The following PTPRD variants were observed in gnomAD, a reference collection of about 807,000 sequenced individuals.
PTPRD encodes the protein receptor-type tyrosine-protein phosphatase delta.
In PTPRD, 34 loss-of-function variants were observed where a neutral mutation model predicts 214.5. That is an observed-to-expected ratio of 0.16 (90% CI 0.12 to 0.21). The LOEUF (loss-of-function observed/expected upper bound fraction) is 0.21, where lower values mean the gene tolerates loss of function less well. Ranked by LOEUF, PTPRD falls within the 10% of genes least tolerant of loss-of-function variation. PTPRD has a pLI of 1.00. For missense variants in PTPRD, 2,545 were observed against 2,398.7 expected, an observed-to-expected ratio of 1.06 and a Z score of -1.27; for synonymous variants, 1,128 against 845.7, an observed-to-expected ratio of 1.33 and a Z score of -5.79.
At chr9:10,130,179 T>C (rs954035287) in intron 3 of PTPRD, among the ~76,000 whole-genome samples, 4 of 151,904 alleles carry the variant, frequency 2.6e-5, no homozygotes, top group African/African-American at 9.7e-5. Flanking sequence ...ATCTATTTTT[T>C]TTTTTTTTGG....
At chr9:8,924,601 T>C (rs984780330) in intron 11 of PTPRD, among the ~76,000 whole-genome samples, 1 of 152,054 alleles carries the variant, frequency 6.6e-6, no homozygotes, top group African/African-American at 2.4e-5. Flanking sequence ...CTCACCTCCC[T>C]AGACAGATGA....
intron 9 of PTPRD, among the ~76,000 whole-genome samples, chr9:9,280,818 T>G (rs996324033): frequency 2.0e-5 from 3 of 151,144 alleles, no homozygotes; most frequent in Admixed American, 6.6e-5. Flanking sequence ...CCCAGAATAG[T>G]CAACACAATA....
intron 35 of PTPRD, among the ~76,000 whole-genome samples, chr9:8,435,704 C>T (rs931874090): frequency 2.7e-4 from 40 of 149,160 alleles, no homozygotes; most frequent in East Asian, 1.6e-3. Flanking sequence ...TCCAAATACA[C>T]ACACACACAC....
chr9:8,839,641 A>G (rs2097519746), intron 11 of PTPRD, among the ~76,000 whole-genome samples: 1 of 152,158 alleles, frequency 6.6e-6, no homozygotes, highest in Admixed American at 6.5e-5. Context: ...AGTATTCTCA[A>G]TCATTACTGG....
intron 2 of PTPRD, among the ~76,000 whole-genome samples, chr9:10,429,257 T>C (rs913525468): frequency 2.6e-5 from 4 of 151,818 alleles, no homozygotes; most frequent in African/African-American, 7.3e-5. Context: ...GTACAGCCAC[T>C]ATGGAAAAAA....
chr9:8,325,821 G>A (rs1833102853), intron 44 of PTPRD, among the ~76,000 whole-genome samples: 2 of 151,996 alleles, frequency 1.3e-5, no homozygotes, highest in Admixed American at 6.6e-5. Flanking sequence ...GGACTCCTAG[G>A]TATTTTATCT....
At position 9,028,898 on chromosome 9, in the gene PTPRD, TA is replaced by T. The variant is rs543316821; in HGVS notation, c.-142-10164del. ...TTAATTACGATCGAAGGAGAACAGATAAAAAAAAGTAGAAGCATAAGCAAGG... is the reference window on the plus strand; with the variant it reads ...TTAATTACGATCGAAGGAGAACAGATAAAAAAAGTAGAAGCATAAGCAAGG... On this transcript the variant is annotated intron_variant, in intron 10 of 45. Transcript: ENST00000381196. Among the ~76,000 whole-genome samples the T allele has an allele frequency of 2.1e-3, 323 of 151,040 alleles. 1 individual carries two copies. Among genetic ancestry groups the T allele is most frequent in the Non-Finnish European group, 2.0e-3 (136 of 67,742 alleles).
intron 4 of PTPRD, among the ~76,000 whole-genome samples, chr9:10,008,510 T>C (rs866326942): frequency 1.3e-5 from 2 of 152,040 alleles, no homozygotes; most frequent in African/African-American, 4.8e-5. Context: ...ATGGGATATA[T>C]GTAACATGCA....
chr9:8,959,192 G>T (rs1458008904), intron 11 of PTPRD, among the ~76,000 whole-genome samples: 1 of 151,934 alleles, frequency 6.6e-6, no homozygotes, highest in Non-Finnish European at 1.5e-5. Flanking sequence ...TCATGTGTAA[G>T]ACACAGTGAA....
At chr9:8,951,330 T>A (rs1424503196) in intron 11 of PTPRD, among the ~76,000 whole-genome samples, 2 of 150,258 alleles carry the variant, frequency 1.3e-5, no homozygotes, top group African/African-American at 2.5e-5. Flanking sequence ...CTTTTTTTTT[T>A]TTTTTTTTCA....
chr9:9,678,701 C>G (rs1389314134), intron 7 of PTPRD, among the ~76,000 whole-genome samples: 1 of 151,468 alleles, frequency 6.6e-6, no homozygotes, highest in Admixed American at 6.6e-5. Context: ...AAGAAAAAAA[C>G]AAAACTCTAA....
chr9:9,844,284 C>T (rs554483576), intron 5 of PTPRD, among the ~76,000 whole-genome samples: 32 of 152,040 alleles, frequency 2.1e-4, no homozygotes, highest in African/African-American at 6.7e-4. Flanking sequence ...TCCATCATCA[C>T]CCATGCTGTA....
At chr9:10,045,678 T>C (rs1018311901) in intron 3 of PTPRD, among the ~76,000 whole-genome samples, 1 of 151,714 alleles carries the variant, frequency 6.6e-6, no homozygotes, top group Non-Finnish European at 1.5e-5. Context: ...TGTATGATAA[T>C]CATTCCTATT....
At chr9:8,563,583 T>A (rs1369567542) in intron 14 of PTPRD, among the ~76,000 whole-genome samples, 1 of 151,676 alleles carries the variant, frequency 6.6e-6, no homozygotes, top group Non-Finnish European at 1.5e-5. Context: ...ACTATAGACA[T>A]CTGCCGCCAC....
chr9:10,161,416 T>C (rs1034253409), intron 3 of PTPRD, among the ~76,000 whole-genome samples: 1 of 151,846 alleles, frequency 6.6e-6, no homozygotes, highest in African/African-American at 2.4e-5. Flanking sequence ...CAATTCATTT[T>C]TTTCACAAAG....
intron 10 of PTPRD, among the ~76,000 whole-genome samples, chr9:9,058,320 C>G (rs148600792): frequency 2.0e-5 from 3 of 151,592 alleles, no homozygotes; most frequent in Admixed American, 6.6e-5. Context: ...CAGTGATAAT[C>G]TGTTTTGCTT....
At chr9:10,479,823 A>G (rs1372162799) in intron 2 of PTPRD, among the ~76,000 whole-genome samples, 1 of 152,024 alleles carries the variant, frequency 6.6e-6, no homozygotes, top group East Asian at 1.9e-4. Flanking sequence ...CCCATCTTAG[A>G]AAAAGAACAA....
intron 2 of PTPRD, among the ~76,000 whole-genome samples, chr9:10,507,987 G>C (rs1307312662): frequency 2.0e-5 from 3 of 152,234 alleles, no homozygotes; most frequent in Middle Eastern, 3.4e-3. Context: ...CACAGCAAAA[G>C]AAACTACCAT....
intron 9 of PTPRD, among the ~76,000 whole-genome samples, chr9:9,329,550 A>T (rs1293009634): frequency 6.6e-6 from 1 of 152,216 alleles, no homozygotes; most frequent in African/African-American, 2.4e-5. Flanking sequence ...ACAAAAGCCA[A>T]GAATAATTAA....
Sources: allele counts gnomAD v4.1 joint callset (sites outside exome capture counted in the v4.1 genomes callset), GRCh38; gene constraint gnomAD v4.1.1; transcripts MANE v1.5; gene names NCBI Gene and HGNC (gene_info 2026-07-23, HGNC 2026-07-21).